Variants in RRM2 observed in about 807,000 individuals in gnomAD.
RRM2 encodes ribonucleotide reductase regulatory subunit M2.
Under a neutral mutation model 45.9 loss-of-function variants are expected in RRM2, and 6 were observed. The ratio of observed to expected loss-of-function variants is 0.13; its 90% CI spans 0.07 to 0.26. The LOEUF (loss-of-function observed/expected upper bound fraction) is 0.26. RRM2 is among the 10% of genes least tolerant of loss of function. The pLI, the probability that RRM2 is intolerant of heterozygous loss-of-function variation, is 1.00. For synonymous variants in RRM2, 177 were observed against 173.0 expected, an observed-to-expected ratio of 1.02 and a Z score of -0.18; for missense variants, 343 against 489.5, an observed-to-expected ratio of 0.70 and a Z score of 2.82.
intron 3 of RRM2, chr2:10,210,213 T>C: frequency 1.4e-6 from 1 of 739,748 alleles, no homozygotes; most frequent in Admixed American, 2.5e-5. Context: ...TTGGCCATGT[T>C]CCGGCTCCCT....
chr2:10,200,683 G>GCA (rs1183069762), intron 3 of RRM2, among the ~76,000 whole-genome samples: 2 of 126,712 alleles, frequency 1.6e-5, no homozygotes, highest in South Asian at 2.6e-4. Flanking sequence ...GGGACTGCGC[G>GCA]CACAAATTAT....
intron 3 of RRM2, among the ~76,000 whole-genome samples, chr2:10,209,057 C>CTTTCTTTCTTTCTTT (rs1048061514): frequency 9.8e-6 from 1 of 102,514 alleles, no homozygotes; most frequent in South Asian, 3.0e-4. Context: ...TTCTTTCTTT[C>CTTTCTTTCTTTCTTT]TTTTTTTTTT....
chr2:10,139,526 G>C (rs971651180), upstream of RRM2, among the ~76,000 whole-genome samples: 13 of 152,180 alleles, frequency 8.5e-5, no homozygotes, highest in Non-Finnish European at 4.4e-5. Context: ...AGAAGTGGGG[G>C]TGTCAAAGGC....
At chr2:10,133,063 T>C (rs551388047), downstream of RRM2, among the ~76,000 whole-genome samples, 222 of 152,300 alleles carry the variant, frequency 1.5e-3, 1 homozygote, top group Middle Eastern at 0.017. Context: ...TAATGGGAGA[T>C]CTCAGACACT....
intron 3 of RRM2, among the ~76,000 whole-genome samples, chr2:10,199,505 GGTGT>G (rs1664491765): frequency 6.6e-6 from 1 of 152,060 alleles, no homozygotes; most frequent in African/African-American, 2.4e-5. Flanking sequence ...CATGGGGCCA[GGTGT>G]GGTGGCTCAC....
upstream of RRM2, chr2:10,122,639 G>A (rs1429911290): frequency 2.6e-6 from 4 of 1,544,006 alleles, no homozygotes; most frequent in Non-Finnish European, 3.5e-6. Context: ...TCGGAGGCAT[G>A]GCACAGCCAA....
intron 3 of RRM2, among the ~76,000 whole-genome samples, chr2:10,164,457 G>T (rs193091123): frequency 1.8e-4 from 28 of 152,280 alleles, no homozygotes; most frequent in Admixed American, 1.8e-3. Context: ...GACGCTGAGG[G>T]TCACTGTAAC....
chr2:10,122,881 T>G lies in RRM2; in HGVS notation c.83T>G (p.Val28Gly). 3 of 1,595,678 alleles carry G rather than the reference T, an allele frequency of 1.9e-6. No individual in the cohort carries two copies. The highest frequency in any genetic ancestry group is 2.6e-6 in the Non-Finnish European group (3 of 1,173,560). The change falls in exon 1 of 10, where the codon GTC (valine) becomes GGC (glycine). Residue 28 changes from valine (V) to glycine (G), a missense_variant. By Grantham distance (109) the Val-to-Gly change is moderately radical. This residue lies in a region of RRM2 where 131 missense variants were observed against 121.4 expected (regional missense o/e 1.08). Coordinates refer to ENST00000304567, the MANE Select transcript of RRM2 (RefSeq NM_001034.4). The part of the protein sequence containing the change: ...QLSPLKGLSL[V>G]DKENTPPALS... ...TCGCCGCTGAAGGGGCTCAGCTTGGTCGACAAGGAGAACACGGTGAGCCCG... is the reference window on the plus strand; with the variant it reads ...TCGCCGCTGAAGGGGCTCAGCTTGGGCGACAAGGAGAACACGGTGAGCCCG...
rs1664636793 is a variant in RRM2 at position 10,205,030 on chromosome 2, CGTG to C, written n.483-5278_483-5276del. On this transcript the variant is annotated intron_variant and non_coding_transcript_variant, in intron 3 of 3. Transcript: ENST00000381786. This position sits in a 1 kb window ranked among gnomAD's most constrained non-coding sequence, Gnocchi z 4.8. ...GACGCAGTGGTTACAAGCAACCCCACGTGGTCTGCTTCGAATCCAGCAAACTTT... is the reference window on the plus strand; with the variant it reads ...GACGCAGTGGTTACAAGCAACCCCACGTCTGCTTCGAATCCAGCAAACTTT... 6.6e-6 allele frequency among the ~76,000 whole-genome samples: 1 copy of C among 152,244 alleles called. No individual in the cohort carries two copies. The highest frequency in any genetic ancestry group is 1.5e-5 in the Non-Finnish European group (1 of 68,050).
At chr2:10,159,774 C>T (rs1663518329) in intron 3 of RRM2, among the ~76,000 whole-genome samples, 1 of 152,196 alleles carries the variant, frequency 6.6e-6, no homozygotes, top group Non-Finnish European at 1.5e-5. Context: ...TTCCCAGAAG[C>T]CTCTCCAGGG....
intron 3 of RRM2, among the ~76,000 whole-genome samples, chr2:10,166,126 G>A (rs147596768): frequency 3.9e-4 from 60 of 152,298 alleles, no homozygotes; most frequent in South Asian, 1.2e-3. Flanking sequence ...GGAGGACACC[G>A]TTCCATCTTA....
At chr2:10,181,225 TG>T (rs1379305486) in intron 3 of RRM2, among the ~76,000 whole-genome samples, 1 of 152,210 alleles carries the variant, frequency 6.6e-6, no homozygotes, top group African/African-American at 2.4e-5. Flanking sequence ...AATTTTAAGA[TG>T]AGGAAACAGG....
downstream of RRM2, among the ~76,000 whole-genome samples, chr2:10,134,735 CAGCTT>C (rs1332225396): frequency 2.0e-5 from 3 of 152,196 alleles, no homozygotes; most frequent in Admixed American, 6.5e-5. Flanking sequence ...TATTTCAACA[CAGCTT>C]AGTAAGATTA....
At chr2:10,156,157 G>A (rs1663420410) in intron 3 of RRM2, 1 of 152,192 alleles carries the variant, frequency 6.6e-6, no homozygotes, top group Admixed American at 6.5e-5. Context: ...CAATCTTTTG[G>A]CTTCCCTTGG....
chr2:10,153,365 A>C (rs914198170), intron 3 of RRM2, among the ~76,000 whole-genome samples: 3 of 152,154 alleles, frequency 2.0e-5, no homozygotes, highest in Non-Finnish European at 4.4e-5. Flanking sequence ...TCTGCGATAC[A>C]AAGATGTTTT....
intron 3 of RRM2, among the ~76,000 whole-genome samples, chr2:10,160,201 C>T (rs143690306): frequency 0.014 from 2,137 of 152,326 alleles, 55 homozygotes; most frequent in African/African-American, 0.049. Context: ...CACCCCTTTC[C>T]AGGAAGCCTT....
chr2:10,196,777 G>C (rs1641634208), intron 3 of RRM2, among the ~76,000 whole-genome samples: 1 of 152,246 alleles, frequency 6.6e-6, no homozygotes, highest in Admixed American at 6.5e-5. Context: ...AGAGCCGGGA[G>C]GCCAGAGGGA....
rs888327173 is a variant in RRM2, at chr2:10,124,911, A to G, written c.569+61A>G. The G allele has an allele frequency of 4.0e-5, 59 of 1,489,162 alleles. 1 individual carries two copies. The highest frequency in any genetic ancestry group is 5.5e-6 in the Non-Finnish European group (6 of 1,092,272). The allele number at this position is 1,489,162 out of a possible 1,614,324, so 92.2% of individuals were successfully genotyped here. A position where few individuals can be genotyped will look rare whatever the true frequency, so the allele number is the denominator to read the frequency against. On this transcript the variant is annotated intron_variant, in intron 5 of 9. Transcript: ENST00000304567. ...CTCACTAATTGTTGATTTATTACAC[A>G]TTTTTAGTTCACCTAGGGATAAAAA...
chr2:10,134,679 G>C (rs1277667888), downstream of RRM2, among the ~76,000 whole-genome samples: 1 of 152,334 alleles, frequency 6.6e-6, no homozygotes, highest in Admixed American at 6.5e-5. Context: ...TCGGAATCAG[G>C]TAGAATGGGA....
Sources: gnomAD v4.1 joint callset for allele counts (sites outside exome capture counted in the v4.1 genomes callset) on GRCh38, gnomAD v4.1.1 for gene constraint, gnomAD v4.1.1 regional missense constraint, Gnocchi (gnomAD v3.1) non-coding constraint, MANE v1.5 for transcripts, NCBI Gene and HGNC (gene_info 2026-07-23, HGNC 2026-07-21) for gene names.